AGBL1: variants seen among roughly 807,000 people sequenced by gnomAD.
AGBL1 encodes cytosolic carboxypeptidase 4.
AGBL1 carries 130 observed loss-of-function variants against 118.9 expected under a neutral mutation model. That is an observed-to-expected ratio of 1.09 (90% CI 0.95 to 1.26). The LOEUF (loss-of-function observed/expected upper bound fraction) is 1.26, where lower values mean the gene tolerates loss of function less well. Among genes scored for constraint, AGBL1 ranks in the 50% most tolerant of loss-of-function variants. AGBL1 has a pLI of 0.00. For synonymous variants in AGBL1, 555 were observed against 478.9 expected (o/e 1.16, Z -2.08); for missense variants, 1,584 against 1,298.1 (o/e 1.22, Z -3.38).
At chr15:86,988,642 A>G (rs2081308179) in intron 24 of AGBL1, among the ~76,000 whole-genome samples, 1 of 152,146 alleles carries the variant, frequency 6.6e-6, no homozygotes, top group Admixed American at 6.5e-5. Flanking sequence ...AGATTTATCT[A>G]AAAGTTATTC....
At chr15:86,482,774 G>C (rs987245069) in intron 18 of AGBL1, among the ~76,000 whole-genome samples, 1 of 151,986 alleles carries the variant, frequency 6.6e-6, no homozygotes, top group Non-Finnish European at 1.5e-5. Flanking sequence ...AGTCAACATA[G>C]ATCAGATTTT....
intron 18 of AGBL1, among the ~76,000 whole-genome samples, chr15:86,499,131 A>C (rs968414522): frequency 6.6e-6 from 1 of 151,912 alleles, no homozygotes; most frequent in South Asian, 2.1e-4. Context: ...GAGGGAGTAG[A>C]GGGACCTCTC....
chr15:86,545,956 A>G, intron 19 of AGBL1, 46 bp from the exon 20 acceptor site: 1 of 1,593,036 alleles, frequency 6.3e-7, no homozygotes, highest in Non-Finnish European at 8.6e-7. Context: ...TTAAGAAACC[A>G]ATGACCTGAC....
intron 18 of AGBL1, among the ~76,000 whole-genome samples, chr15:86,430,506 A>ATGTG (rs910858599): frequency 6.6e-6 from 1 of 150,836 alleles, no homozygotes; most frequent in Admixed American, 6.6e-5. Flanking sequence ...AAAAAAAAAA[A>ATGTG]TGTGTGTGTG....
intron 22 of AGBL1, among the ~76,000 whole-genome samples, chr15:86,853,083 C>G (rs1218569062): frequency 6.6e-6 from 1 of 152,138 alleles, no homozygotes; most frequent in Non-Finnish European, 1.5e-5. Context: ...CACCCCATGC[C>G]AATTAAATCA....
intron 18 of AGBL1, among the ~76,000 whole-genome samples, chr15:86,456,581 C>T (rs2082260840): frequency 6.6e-6 from 1 of 152,196 alleles, no homozygotes; most frequent in African/African-American, 2.4e-5. Context: ...TTCAGGTTGA[C>T]AGGCATGTCT....
intron 17 of AGBL1, among the ~76,000 whole-genome samples, chr15:86,374,775 C>G (rs1186889637): frequency 2.0e-5 from 3 of 152,212 alleles, no homozygotes; most frequent in Non-Finnish European, 4.4e-5. Flanking sequence ...ATGTGGCACA[C>G]AGGAGCCAGA....
intron 21 of AGBL1, among the ~76,000 whole-genome samples, chr15:86,610,431 G>A (rs768920820): frequency 6.6e-6 from 1 of 152,074 alleles, no homozygotes; most frequent in African/African-American, 2.4e-5. Flanking sequence ...TGCTTACCTG[G>A]GGCCCTTAGT....
intron 22 of AGBL1, among the ~76,000 whole-genome samples, chr15:86,791,822 C>G (rs1371117718): frequency 6.6e-6 from 1 of 151,642 alleles, no homozygotes; most frequent in African/African-American, 2.4e-5. Flanking sequence ...CCACAACCCC[C>G]GCTTCCCAGG....
At chr15:86,923,295 A>C (rs1029425839) in intron 23 of AGBL1, among the ~76,000 whole-genome samples, 1 of 152,214 alleles carries the variant, frequency 6.6e-6, no homozygotes, top group Admixed American at 6.5e-5. Flanking sequence ...TCAGCTTGAC[A>C]TTCAAAAGCC....
At chr15:86,183,933 A>G (rs2077587510) in intron 5 of AGBL1, among the ~76,000 whole-genome samples, 1 of 152,182 alleles carries the variant, frequency 6.6e-6, no homozygotes, top group Admixed American at 6.5e-5. Flanking sequence ...CATGAGTCAG[A>G]TCCAGATGGC....
At chr15:86,869,812 G>C (rs933085197) in intron 22 of AGBL1, among the ~76,000 whole-genome samples, 2 of 152,140 alleles carry the variant, frequency 1.3e-5, no homozygotes, top group Non-Finnish European at 2.9e-5. Flanking sequence ...CCAAGTCTAA[G>C]CTTGATCATC....
intron 22 of AGBL1, among the ~76,000 whole-genome samples, chr15:86,816,693 C>T (rs574488871): frequency 1.8e-4 from 27 of 152,184 alleles, no homozygotes; most frequent in Non-Finnish European, 3.2e-4. Flanking sequence ...AAACAAAAAT[C>T]CCTCAGGAGG....
intron 22 of AGBL1, among the ~76,000 whole-genome samples, chr15:86,751,060 T>C (rs111455050): frequency 0.013 from 2,040 of 152,234 alleles, 53 homozygotes; most frequent in African/African-American, 0.047. Context: ...TGTAGGTTGA[T>C]TCCATGTCTT....
intron 18 of AGBL1, among the ~76,000 whole-genome samples, chr15:86,410,697 A>G (rs2346311): frequency 0.28 from 40,607 of 146,654 alleles, 6,242 homozygotes; most frequent in East Asian, 0.61. Context: ...CAGTCTTAAT[A>G]ATCTTTTTCC....
intron 21 of AGBL1, among the ~76,000 whole-genome samples, chr15:86,670,935 G>T (rs2085736835): frequency 6.6e-6 from 1 of 151,900 alleles, no homozygotes; most frequent in Admixed American, 6.6e-5. Context: ...GGGTTGTACT[G>T]GTTAGCTTTG....
At position 86,499,213 on chromosome 15, in the gene AGBL1, C is replaced by A. The variant is rs891282448; in HGVS notation, c.2556-23597C>A. On this transcript the variant is annotated intron_variant, in intron 18 of 22. Transcript: ENST00000614907. ...AGACACAATTATAACCACAAAGATA[C>A]TTGACAACCAACAGTTATCAGCAAA... is the stretch of plus-strand genomic sequence containing the variant. Among the ~76,000 whole-genome samples the A allele has an allele frequency of 3.3e-5, 5 of 151,834 alleles. No homozygotes were observed. In the South Asian group the frequency reaches 1.0e-3, roughly 31 times the overall value.
intron 1 of AGBL1, among the ~76,000 whole-genome samples, chr15:86,125,593 C>T (rs1898375519): frequency 6.6e-6 from 1 of 152,222 alleles, no homozygotes; most frequent in African/African-American, 2.4e-5. Flanking sequence ...AATGGACATT[C>T]TGTCAAGTGA....
At position 86,508,520 on chromosome 15, in the gene AGBL1, T is replaced by C. The variant is rs150844324; in HGVS notation, c.2556-14290T>C. On this transcript the variant is annotated intron_variant, in intron 18 of 22. Coordinates refer to ENST00000614907, the MANE Select transcript of AGBL1 (RefSeq NM_001386094.1). Reference sequence around the variant, plus strand: ...AAATACATGACTATGAACAGTTACATAAACCTTGTGAATTGCAGTTTCTTC... The same window carrying C: ...AAATACATGACTATGAACAGTTACACAAACCTTGTGAATTGCAGTTTCTTC... 2.0e-5 allele frequency among the ~76,000 whole-genome samples: 3 copies of C among 151,988 alleles called. No homozygotes were observed. The East Asian group carries it at 5.9e-4, about 30-fold the overall frequency.
Sources: gnomAD v4.1 joint callset for allele counts (sites outside exome capture counted in the v4.1 genomes callset) on GRCh38, gnomAD v4.1.1 for gene constraint, MANE v1.5 for transcripts, NCBI Gene and HGNC (gene_info 2026-07-23, HGNC 2026-07-21) for gene names.